The following CCDC7 variants were observed in gnomAD, a reference collection of about 807,000 sequenced individuals.
The protein encoded by CCDC7 is coiled-coil domain containing 7.
Under a neutral mutation model 196.9 loss-of-function variants are expected in CCDC7, and 183 were observed. The observed-to-expected ratio is 0.93, with a 90% CI of 0.82 to 1.05. The LOEUF is 1.05. Ranked by LOEUF, CCDC7 falls within the 50% of genes least tolerant of loss-of-function variation. The pLI is 0.00. For synonymous variants in CCDC7, 525 were observed against 484.6 expected, an observed-to-expected ratio of 1.08 and a Z score of -1.10; for missense variants, 1,540 against 1,482.2, an observed-to-expected ratio of 1.04 and a Z score of -0.64.
chr10:32,532,173 A>G (rs1287091799), intron 11 of CCDC7, among the ~76,000 whole-genome samples: 3 of 151,916 alleles, frequency 2.0e-5, no homozygotes, highest in Non-Finnish European at 4.4e-5. Context: ...ATTGGCGTTT[A>G]TTGCTATAAA....
At chr10:32,524,299 C>T (rs763877960) in intron 11 of CCDC7, among the ~76,000 whole-genome samples, 3 of 152,054 alleles carry the variant, frequency 2.0e-5, no homozygotes, top group African/African-American at 4.8e-5. Context: ...TAATTTCATC[C>T]ACTTGTTTGT....
intron 13 of CCDC7, among the ~76,000 whole-genome samples, chr10:32,553,053 C>T (rs2053727968): frequency 6.8e-6 from 1 of 147,892 alleles, no homozygotes; most frequent in South Asian, 2.1e-4. Context: ...TCAGGAAAAT[C>T]GTTTATTCTT....
At chr10:32,803,007 A>G (rs61286405) in intron 29 of CCDC7, among the ~76,000 whole-genome samples, 21,905 of 152,230 alleles carry the variant, frequency 0.14, 1,928 homozygotes, top group African/African-American at 0.25. Flanking sequence ...ACACCCAGGA[A>G]CAATACTTTG....
upstream of CCDC7, among the ~76,000 whole-genome samples, chr10:32,443,725 T>C (rs906565414): frequency 6.6e-6 from 1 of 152,230 alleles, no homozygotes; most frequent in Non-Finnish European, 1.5e-5. Context: ...AAACCTGTAG[T>C]ATATGTCATT....
Position 32,462,705 on chromosome 10 carries a change from T to A in CCDC7, c.477+2T>A, listed in dbSNP as rs2035984316. 3.4e-6 allele frequency: 5 copies of A among 1,458,418 alleles called. No homozygotes were observed. In the East Asian group the frequency reaches 1.2e-4, roughly 34 times the overall value. The allele number at this position is 1,458,418 out of a possible 1,614,324, so 90.3% of individuals were successfully genotyped here. On this transcript the variant is annotated splice_donor_variant, in intron 4 of 41. Coordinates refer to ENST00000639629, the Ensembl canonical transcript of CCDC7. LOFTEE classifies it high-confidence loss of function. ...CAGATTTTGGAATCTCTTTTTAAGG[T>A]ACGTTCAATATATTACAGCTTAAGC...
At chr10:32,477,063 A>AT (rs61625076) in intron 8 of CCDC7, among the ~76,000 whole-genome samples, 142,160 of 150,122 alleles carry the variant, frequency 0.95, 67,746 homozygotes, top group South Asian at 1. Context: ...CAAACTTAAC[A>AT]TTTTTTTTTT....
At chr10:32,720,615 G>C (rs540520175) in intron 25 of CCDC7, among the ~76,000 whole-genome samples, 1 of 152,126 alleles carries the variant, frequency 6.6e-6, no homozygotes, top group South Asian at 2.1e-4. Context: ...GAAGGATAAC[G>C]ATTCCCCTAA....
intron 41 of CCDC7, 23 bp downstream of exon 42, chr10:32,854,512 G>A (rs2093677373): frequency 7.5e-7 from 1 of 1,333,690 alleles, no homozygotes; most frequent in Admixed American, 1.9e-5. Context: ...CTACAATACA[G>A]ACATATGAAA....
rs557623557 is a variant in CCDC7 at position 32,637,007 on chromosome 10, G to T, written c.2014+1849G>T. Reference sequence around the variant, plus strand: ...ATGATGAGCATTTTTTCATGTGTCTGTTGGCTGCATAAATGTCTTCTTTTG... The same window carrying T: ...ATGATGAGCATTTTTTCATGTGTCTTTTGGCTGCATAAATGTCTTCTTTTG... On this transcript the variant is annotated intron_variant, in intron 20 of 41. Transcript: ENST00000639629. Among the ~76,000 whole-genome samples, 156 of 152,208 alleles carry T rather than the reference G, an allele frequency of 1.0e-3. 1 individual carries two copies. The highest frequency in any genetic ancestry group is 2.9e-3 in the African/African-American group (122 of 41,544).
chr10:32,612,511 A>G (rs1038153199), intron 18 of CCDC7, among the ~76,000 whole-genome samples: 2 of 152,146 alleles, frequency 1.3e-5, no homozygotes, highest in Non-Finnish European at 2.9e-5. Context: ...TTCAAAGGGA[A>G]TGCTTTCAGT....
At chr10:32,562,640 G>T (rs534376215) in intron 13 of CCDC7, among the ~76,000 whole-genome samples, 1 of 152,180 alleles carries the variant, frequency 6.6e-6, no homozygotes, top group East Asian at 1.9e-4. Flanking sequence ...GGTATTGATG[G>T]GACGTATCTC....
At chr10:32,787,523 G>T (rs923499474) in intron 29 of CCDC7, among the ~76,000 whole-genome samples, 1 of 152,158 alleles carries the variant, frequency 6.6e-6, no homozygotes, top group East Asian at 1.9e-4. Context: ...CCTTAACTTC[G>T]GGCAGCACAG....
At chr10:32,846,405 A>C (rs766380549) in exon 37 of CCDC7, 12 of 1,595,594 alleles carry the variant, frequency 7.5e-6, no homozygotes, top group Non-Finnish European at 6.0e-6. Flanking sequence ...AAAAGATGCT[A>C]TTGGAAGAGA....
chr10:32,532,410 T>A (rs1288923953), intron 11 of CCDC7, among the ~76,000 whole-genome samples: 1 of 152,196 alleles, frequency 6.6e-6, no homozygotes, highest in Non-Finnish European at 1.5e-5. Flanking sequence ...CTTGATATGA[T>A]TTCTATGTTT....
At chr10:32,705,059 G>A (rs1260047691) in intron 24 of CCDC7, among the ~76,000 whole-genome samples, 3 of 152,084 alleles carry the variant, frequency 2.0e-5, no homozygotes, top group African/African-American at 7.2e-5. Context: ...AGATGAACCC[G>A]GCACCTCAGT....
Position 32,472,548 on chromosome 10 carries a change from A to G in CCDC7, c.739+6A>G. On this transcript the variant is annotated splice_donor_region_variant and intron_variant, in intron 7 of 41. Coordinates refer to ENST00000639629, the Ensembl canonical transcript of CCDC7. Reference sequence around the variant, plus strand: ...TCTGGCACAGAAAATTGAAGGTGATAATATTTTATATATGTTTATCCTTAA... The same window carrying G: ...TCTGGCACAGAAAATTGAAGGTGATGATATTTTATATATGTTTATCCTTAA... 6.4e-7 allele frequency: 1 copy of G among 1,559,252 alleles called. No homozygotes were observed. Among genetic ancestry groups the G allele is most frequent in the Non-Finnish European group, 8.7e-7 (1 of 1,153,804 alleles).
chr10:32,779,456 G>T (rs2080681540), intron 29 of CCDC7, among the ~76,000 whole-genome samples: 1 of 152,168 alleles, frequency 6.6e-6, no homozygotes, highest in African/African-American at 2.4e-5. Context: ...AAAGACAAAT[G>T]GAACTAGTAC....
chr10:32,603,300 A>G (rs1260568386), intron 18 of CCDC7, among the ~76,000 whole-genome samples: 1 of 152,104 alleles, frequency 6.6e-6, no homozygotes, highest in Non-Finnish European at 1.5e-5. Context: ...TTTATGGCTG[A>G]ATAGTATTCC....
chr10:32,802,362 C>T (rs191497460), intron 29 of CCDC7, among the ~76,000 whole-genome samples: 135 of 152,254 alleles, frequency 8.9e-4, no homozygotes, highest in Non-Finnish European at 8.5e-4. Flanking sequence ...GCATAACTCT[C>T]TAAACAGTTC....
Sources: gnomAD v4.1 joint callset for allele counts (sites outside exome capture counted in the v4.1 genomes callset) on GRCh38, gnomAD v4.1.1 for gene constraint, MANE v1.5 for transcripts, NCBI Gene and HGNC (gene_info 2026-07-23, HGNC 2026-07-21) for gene names.